The following DTNA variants were observed in gnomAD, a reference collection of about 807,000 sequenced individuals.
DTNA encodes the protein dystrophin-related protein 3.
DTNA carries 43 observed loss-of-function variants against 100.7 expected under a neutral mutation model. The ratio of observed to expected loss-of-function variants is 0.43; its 90% CI spans 0.33 to 0.55. The LOEUF is 0.55. Among genes scored for constraint, DTNA ranks in the 20% least tolerant of loss-of-function variants. DTNA has a pLI of 0.04. For synonymous variants in DTNA, 349 were observed against 347.9 expected, an observed-to-expected ratio of 1.00 and a Z score of -0.04; for missense variants, 798 against 953.9, an observed-to-expected ratio of 0.84 and a Z score of 2.15.
In DTNA at chr18:34,826,553, AC is replaced by A. The variant is rs1449346034; in HGVS notation, c.1002-1039del. ...CTCTAAGGTAAAAATTAAACCATTT[AC>A]AAATTTGGATCTTAATTATGCCAAT... On this transcript the variant is annotated intron_variant, in intron 9 of 22. Coordinates refer to ENST00000444659, the MANE Select transcript of DTNA (RefSeq NM_001386795.1). 2.0e-5 allele frequency among the ~76,000 whole-genome samples: 3 copies of A among 152,206 alleles called. 1 individual carries two copies. The highest frequency in any genetic ancestry group is 7.2e-5 in the African/African-American group (3 of 41,464).
At chr18:34,581,621 G>GTTTTTTTTTT (rs760995588) in intron 1 of DTNA, among the ~76,000 whole-genome samples, 1 of 110,374 alleles carries the variant, frequency 9.1e-6, no homozygotes, top group African/African-American at 3.9e-5. Context: ...CCCCTAGTTA[G>GTTTTTTTTTT]TTTTTTTTTT....
chr18:34,530,034 TATACA>T (rs1449154492), intron 1 of DTNA, among the ~76,000 whole-genome samples: 2 of 152,274 alleles, frequency 1.3e-5, no homozygotes, highest in East Asian at 3.9e-4. Flanking sequence ...TATGAGATTA[TATACA>T]AAGGCCAGAG....
intron 1 of DTNA, among the ~76,000 whole-genome samples, chr18:34,749,961 A>G (rs2092147208): frequency 6.6e-6 from 1 of 152,228 alleles, no homozygotes; most frequent in African/African-American, 2.4e-5. Context: ...AGGCATTTAT[A>G]TGCCACCAAT....
At chr18:34,682,785 C>A (rs566385454) in intron 1 of DTNA, among the ~76,000 whole-genome samples, 26 of 151,926 alleles carry the variant, frequency 1.7e-4, no homozygotes, top group African/African-American at 6.3e-4. Flanking sequence ...AAAATAATTT[C>A]TCTTATTTCT....
intron 1 of DTNA, among the ~76,000 whole-genome samples, chr18:34,557,817 T>C (rs1300662215): frequency 6.6e-6 from 1 of 152,168 alleles, no homozygotes; most frequent in Admixed American, 6.5e-5. Flanking sequence ...TACTGCTGCC[T>C]TTTTGTTTGT....
At chr18:34,607,381 T>C (rs1380028725) in intron 1 of DTNA, among the ~76,000 whole-genome samples, 3 of 152,212 alleles carry the variant, frequency 2.0e-5, no homozygotes, top group Non-Finnish European at 4.4e-5. Flanking sequence ...TGCAATAGTC[T>C]GCTCATAAAA....
At chr18:34,642,123 G>T (rs527679641) in intron 1 of DTNA, among the ~76,000 whole-genome samples, 1 of 152,146 alleles carries the variant, frequency 6.6e-6, no homozygotes, top group Non-Finnish European at 1.5e-5. Context: ...TTGCTAATGA[G>T]GACTCACCAC....
rs566603898 is a variant in DTNA, at chr18:34,779,528, C to T, written c.148+13487C>T. ...TTTTTCTTTCCATTACTCTAATTTC[C>T]CAGGCCCTTTCTAAAGTCTTTGCTC... On this transcript the variant is annotated intron_variant, in intron 3 of 22. Transcript: ENST00000444659. Among the ~76,000 whole-genome samples the T allele has an allele frequency of 5.3e-5, 8 of 152,240 alleles. No homozygotes were observed. The South Asian group carries it at 1.7e-3, about 32-fold the overall frequency.
At chr18:34,573,841 T>C (rs28516368) in intron 1 of DTNA, 15,585 of 152,216 alleles carry the variant, frequency 0.1, 1,171 homozygotes, top group African/African-American at 0.2. Flanking sequence ...CTTTGACCAA[T>C]CCCTACCCAT....
At chr18:34,691,061 A>G (rs1334146229) in intron 1 of DTNA, among the ~76,000 whole-genome samples, 1 of 152,212 alleles carries the variant, frequency 6.6e-6, no homozygotes, top group African/African-American at 2.4e-5. Flanking sequence ...GTGATGCTCC[A>G]CTGCCTCTTA....
intron 9 of DTNA, among the ~76,000 whole-genome samples, chr18:34,823,495 C>A (rs188302216): frequency 6.6e-6 from 1 of 152,122 alleles, no homozygotes; most frequent in African/African-American, 2.4e-5. Flanking sequence ...ATTTATTACT[C>A]CCAAATATGA....
chr18:34,753,431 G>A lies in DTNA; in HGVS notation c.-1-2545G>A, dbSNP rs1376580281. ...GGAGTCTCGCTCTGTCGCCCAGGCT[G>A]GAGTGCAGTGGCGGGATCTCGGCTC... On this transcript the variant is annotated intron_variant, in intron 1 of 22. Coordinates refer to ENST00000444659, the MANE Select transcript of DTNA (RefSeq NM_001386795.1). 6.1e-4 allele frequency among the ~76,000 whole-genome samples: 80 copies of A among 130,976 alleles called. 3 individuals carry two copies. Among genetic ancestry groups the A allele is most frequent in the African/African-American group, 2.3e-3 (67 of 28,726 alleles). The allele number at this position is 130,976 out of a possible 152,430, so 85.9% of individuals were successfully genotyped here.
chr18:34,860,973 A>G (rs1256412107), intron 16 of DTNA, among the ~76,000 whole-genome samples: 1 of 152,166 alleles, frequency 6.6e-6, no homozygotes, highest in Non-Finnish European at 1.5e-5. Flanking sequence ...CTTAGTGTAT[A>G]TATTTATGTA....
chr18:34,882,509 C>T (rs1222847147), intron 21 of DTNA, among the ~76,000 whole-genome samples: 4 of 152,172 alleles, frequency 2.6e-5, no homozygotes, highest in East Asian at 3.9e-4. Context: ...GCTGGGACTA[C>T]GGGCATGCAC....
intron 1 of DTNA, among the ~76,000 whole-genome samples, chr18:34,562,059 T>C (rs973652112): frequency 6.6e-6 from 1 of 152,204 alleles, no homozygotes; most frequent in African/African-American, 2.4e-5. Flanking sequence ...TACTAGAGAC[T>C]GTGGTAAAGT....
Position 34,890,461 on chromosome 18 carries a change from A to C in DTNA, c.*2727A>C, listed in dbSNP as rs1187531438. 3 of 1,536,008 alleles carry C rather than the reference A, an allele frequency of 2.0e-6. No homozygotes were observed. Among genetic ancestry groups the C allele is most frequent in the Non-Finnish European group, 2.6e-6 (3 of 1,146,874 alleles). ...TCTAAGTGCAAACCCAGCAAGTTTC[A>C]CTTGTCCTGTCCATTAGATACAACT... On this transcript the variant is annotated 3_prime_UTR_variant, in exon 23 of 23. Transcript: ENST00000444659.
intron 14 of DTNA, among the ~76,000 whole-genome samples, chr18:34,849,671 A>G (rs984086299): frequency 5.9e-5 from 9 of 152,324 alleles, no homozygotes; most frequent in African/African-American, 2.2e-4. Flanking sequence ...TCAATTCTTT[A>G]TTAGATGTCA....
intron 1 of DTNA, among the ~76,000 whole-genome samples, chr18:34,689,796 A>G (rs1046307027): frequency 3.9e-5 from 6 of 152,204 alleles, no homozygotes; most frequent in Non-Finnish European, 8.8e-5. Context: ...AGTTTTATCT[A>G]TAAGCCCCTG....
chr18:34,592,848 T>C (rs771420387), intron 1 of DTNA, among the ~76,000 whole-genome samples: 2 of 152,176 alleles, frequency 1.3e-5, no homozygotes, highest in Admixed American at 1.3e-4. Context: ...TTAAATGCTG[T>C]CCTACAATGA....
Sources: gnomAD v4.1 joint callset for allele counts (sites outside exome capture counted in the v4.1 genomes callset) on GRCh38, gnomAD v4.1.1 for gene constraint, MANE v1.5 for transcripts, NCBI Gene and HGNC (gene_info 2026-07-23, HGNC 2026-07-21) for gene names.